The following NRG4 variants were observed in gnomAD, a reference collection of about 807,000 sequenced individuals.
NRG4 encodes the protein neuregulin 4, also known as pro-neuregulin-4, membrane-bound isoform.
NRG4 carries 10 observed loss-of-function variants against 15.0 expected under a neutral mutation model. That is an observed-to-expected ratio of 0.67 (90% CI 0.41 to 1.13). NRG4 has a LOEUF of 1.13. Among genes scored for constraint, NRG4 ranks in the 50% most tolerant of loss-of-function variants. NRG4 has a pLI of 0.00. For synonymous variants in NRG4, 41 were observed against 50.1 expected (o/e 0.82, Z 0.77); for missense variants, 139 against 140.2 (o/e 0.99, Z 0.04).
chr15:75,979,914 T>C (rs1371854475), intron 3 of NRG4, among the ~76,000 whole-genome samples: 1 of 152,212 alleles, frequency 6.6e-6, no homozygotes, highest in African/African-American at 2.4e-5. Flanking sequence ...CTGAACCTTC[T>C]TTGTTAGCTT....
chr15:76,003,983 C>G (rs1238638743), intron 3 of NRG4, among the ~76,000 whole-genome samples: 1 of 152,092 alleles, frequency 6.6e-6, no homozygotes, highest in Non-Finnish European at 1.5e-5. Context: ...AATACATGAA[C>G]AATTTTAAAA....
chr15:75,985,945 C>T (rs2033784671), intron 3 of NRG4, among the ~76,000 whole-genome samples: 1 of 152,082 alleles, frequency 6.6e-6, no homozygotes, highest in Non-Finnish European at 1.5e-5. Context: ...ATTATATAAA[C>T]AATTTCTACG....
chr15:75,941,353 G>C lies in NRG4; in HGVS notation c.*2285C>G, dbSNP rs1212384749. Reference sequence around the variant, plus strand: ...GGAAATATAGTGGTATGCAGCTGCTGTAGAAAACAGTATGGTGATTTTCCA... The same window carrying C: ...GGAAATATAGTGGTATGCAGCTGCTCTAGAAAACAGTATGGTGATTTTCCA... On this transcript the variant is annotated 3_prime_UTR_variant, in exon 6 of 6. Coordinates refer to ENST00000394907, the MANE Select transcript of NRG4 (RefSeq NM_138573.4). 6.6e-6 allele frequency: 1 copy of C among 152,176 alleles called. No individual in the cohort carries two copies. The highest frequency in any genetic ancestry group is 1.5e-5 in the Non-Finnish European group (1 of 67,994). 9.4% of individuals were successfully genotyped at this position (152,176 alleles called of 1,614,324 possible).
intron 5 of NRG4, among the ~76,000 whole-genome samples, chr15:76,028,227 A>C (rs1393646886): frequency 6.6e-6 from 1 of 152,120 alleles, no homozygotes; most frequent in Non-Finnish European, 1.5e-5. Flanking sequence ...AAAATTGGTT[A>C]TTTGAAAAGA....
At chr15:76,009,752 T>A (rs558840107) in intron 2 of NRG4, among the ~76,000 whole-genome samples, 24 of 152,278 alleles carry the variant, frequency 1.6e-4, no homozygotes, top group Middle Eastern at 3.4e-3. Flanking sequence ...ATAATTAACT[T>A]TTTATTTCCA....
chr15:76,055,901 A>G (rs1345318441), intron 2 of NRG4, among the ~76,000 whole-genome samples: 3 of 152,240 alleles, frequency 2.0e-5, no homozygotes, highest in African/African-American at 7.2e-5. Context: ...TCCATACCCA[A>G]GATCTACTGT....
intron 3 of NRG4, among the ~76,000 whole-genome samples, chr15:75,991,020 T>G (rs548099540): frequency 3.3e-5 from 5 of 152,284 alleles, no homozygotes; most frequent in African/African-American, 1.2e-4. Context: ...AGTTTATTAA[T>G]TTTTATATAA....
At chr15:76,012,995 CAT>C (rs1478134551), upstream of NRG4, among the ~76,000 whole-genome samples, 1 of 152,046 alleles carries the variant, frequency 6.6e-6, no homozygotes, top group Non-Finnish European at 1.5e-5. Context: ...TTTTAAAAAT[CAT>C]AAACAATTTT....
intron 3 of NRG4, chr15:76,005,818 GA>G: frequency 2.4e-6 from 1 of 413,146 alleles, no homozygotes; most frequent in East Asian, 7.1e-5. Context: ...GACTGAGGAG[GA>G]GGAGAAAGAG....
chr15:76,014,862 T>C (rs1167676782), upstream of NRG4, among the ~76,000 whole-genome samples: 2 of 152,192 alleles, frequency 1.3e-5, no homozygotes, highest in Non-Finnish European at 2.9e-5. Context: ...TTAAAGTAGA[T>C]TTTTCTAATT....
chr15:76,037,496 G>A (rs1300205184), intron 4 of NRG4, among the ~76,000 whole-genome samples: 2 of 152,184 alleles, frequency 1.3e-5, no homozygotes, highest in African/African-American at 4.8e-5. Context: ...TACAGAGGGA[G>A]CATTCAGACA....
chr15:76,050,501 G>A lies in NRG4; in HGVS notation c.-105+1566C>T, dbSNP rs1311763107. On this transcript the variant is annotated intron_variant, in intron 4 of 8. Transcript: ENST00000563910. Reference sequence around the variant, plus strand: ...CTATTGCCCTGGCTGGAGTGCAATGGCTCACTGCAACCTCCGCCTCCCAGG... The same window carrying A: ...CTATTGCCCTGGCTGGAGTGCAATGACTCACTGCAACCTCCGCCTCCCAGG... 1.5e-5 allele frequency among the ~76,000 whole-genome samples: 2 copies of A among 137,342 alleles called. 1 individual carries two copies. Among genetic ancestry groups the A allele is most frequent in the African/African-American group, 5.7e-5 (2 of 35,068 alleles). 90.1% of individuals were successfully genotyped at this position (137,342 alleles called of 152,430 possible). A position where few individuals can be genotyped will look rare whatever the true frequency, so the allele number is the denominator to read the frequency against.
intron 3 of NRG4, among the ~76,000 whole-genome samples, chr15:75,982,590 A>G (rs1008673031): frequency 6.6e-6 from 1 of 152,174 alleles, no homozygotes; most frequent in East Asian, 1.9e-4. Context: ...AGGAGAATGA[A>G]GAGATAAAGA....
chr15:75,960,758 G>A (rs1039910829), intron 4 of NRG4, among the ~76,000 whole-genome samples: 2 of 152,148 alleles, frequency 1.3e-5, no homozygotes, highest in African/African-American at 4.8e-5. Flanking sequence ...CACTACAGAA[G>A]AGTATGTGGG....
intron 2 of NRG4, chr15:76,053,227 T>A (rs974489435): frequency 1.3e-5 from 2 of 150,958 alleles, no homozygotes; most frequent in African/African-American, 4.9e-5. Flanking sequence ...AGGCACAACT[T>A]TGTGTACATA....
At chr15:75,959,676 C>A (rs1279416286) in intron 4 of NRG4, among the ~76,000 whole-genome samples, 1 of 151,156 alleles carries the variant, frequency 6.6e-6, no homozygotes, top group Non-Finnish European at 1.5e-5. Flanking sequence ...TTTTATTTTT[C>A]ATTTTGTAGA....
Position 75,941,819 on chromosome 15 carries a change from G to A in NRG4, c.*1819C>T, listed in dbSNP as rs377185444. On this transcript the variant is annotated 3_prime_UTR_variant, in exon 6 of 6. Coordinates refer to ENST00000394907, the MANE Select transcript of NRG4 (RefSeq NM_138573.4). ...TAGTGTGGGATCATGAAAAAGTTCC[G>A]GAGGTGCATAGTGGTGACTGGTACA... 4.6e-5 allele frequency: 7 copies of A among 151,972 alleles called. No homozygotes were observed. The highest frequency in any genetic ancestry group is 7.2e-5 in the African/African-American group (3 of 41,422). 9.4% of individuals were successfully genotyped at this position (151,972 alleles called of 1,614,324 possible).
downstream of NRG4, chr15:75,940,259 T>C (rs2030805273): frequency 6.6e-6 from 1 of 151,936 alleles, no homozygotes; most frequent in South Asian, 2.1e-4. Flanking sequence ...TCAAAAAGAA[T>C]AAAATGCACA....
chr15:76,012,293 A>G (rs1422716680), intron 1 of NRG4, 26 bp downstream of exon 1: 1 of 152,248 alleles, frequency 6.6e-6, no homozygotes, highest in East Asian at 1.9e-4. Context: ...CCAAACAAAC[A>G]GGACTTACCC....
Sources: allele counts gnomAD v4.1 joint callset (sites outside exome capture counted in the v4.1 genomes callset), GRCh38; gene constraint gnomAD v4.1.1; transcripts MANE v1.5; gene names NCBI Gene and HGNC (gene_info 2026-07-23, HGNC 2026-07-21).